DOP1A: variants seen among roughly 807,000 people sequenced by gnomAD.
The protein encoded by DOP1A is DOP1 leucine zipper like protein A.
DOP1A carries 90 observed loss-of-function variants against 267.6 expected under a neutral mutation model. The ratio of observed to expected loss-of-function variants is 0.34; its 90% CI spans 0.28 to 0.40. The LOEUF (loss-of-function observed/expected upper bound fraction) is 0.40. DOP1A is among the 10% of genes least tolerant of loss of function. DOP1A has a pLI of 1.00. For synonymous variants in DOP1A, 932 were observed against 999.1 expected (o/e 0.93, Z 1.27); for missense variants, 2,437 against 2,900.4 (o/e 0.84, Z 3.67).
chr6:83,105,199 T>C (rs1313562860), intron 4 of DOP1A, among the ~76,000 whole-genome samples: 1 of 152,096 alleles, frequency 6.6e-6, no homozygotes, highest in Non-Finnish European at 1.5e-5. Context: ...ATTCTCAGTA[T>C]CCTGAAGAAC....
chr6:83,137,243 C>A lies in DOP1A; in HGVS notation c.3201C>A (p.Asn1067Lys). ...CACTTACCATGGATGAAATAGAGAA[C>A]TTTAGTCTCACTGTGAATCCATTAA... ...EKPLTMDEIE[N>K]FSLTVNPLSD... Residue 1067 changes from asparagine to lysine, a missense_variant, in exon 21 of 39, where the codon AAC becomes AAA. Around this residue, in one of 9 missense-constraint regions of DOP1A, gnomAD observed 878 missense variants for 992.9 expected, o/e 0.88. Transcript: ENST00000349129. 6.2e-7 allele frequency: 1 copy of A among 1,611,094 alleles called. No homozygotes were observed. The highest frequency in any genetic ancestry group is 8.5e-7 in the Non-Finnish European group (1 of 1,178,274).
At chr6:83,167,106 CAG>C (rs1229389075) in intron 38 of DOP1A, 6 of 979,400 alleles carry the variant, frequency 6.1e-6, no homozygotes, top group African/African-American at 5.3e-5. Flanking sequence ...ATTTAGTTGA[CAG>C]AGTTTTCACA....
At chr6:83,159,260 G>T (rs1420404191) in intron 36 of DOP1A, among the ~76,000 whole-genome samples, 3 of 151,938 alleles carry the variant, frequency 2.0e-5, no homozygotes, top group South Asian at 2.1e-4. Flanking sequence ...TATATTTCTT[G>T]AACATAATAT....
intron 1 of DOP1A, among the ~76,000 whole-genome samples, chr6:83,078,623 A>G (rs1420234967): frequency 6.6e-6 from 1 of 152,232 alleles, no homozygotes; most frequent in Non-Finnish European, 1.5e-5. Flanking sequence ...AATTCAGAAA[A>G]TAATAGCAGT....
intron 1 of DOP1A, among the ~76,000 whole-genome samples, chr6:83,074,791 C>T (rs752752523): frequency 6.6e-6 from 1 of 152,226 alleles, no homozygotes; most frequent in Non-Finnish European, 1.5e-5. Context: ...TAAATTTTGG[C>T]CAGGCTCAGT....
chr6:83,116,161 T>G (rs1351612338), intron 7 of DOP1A, among the ~76,000 whole-genome samples: 2 of 152,234 alleles, frequency 1.3e-5, no homozygotes, highest in East Asian at 3.8e-4. Context: ...AAATTACATA[T>G]TCTTTGATAT....
At chr6:83,158,424 C>T in intron 35 of DOP1A, 143 bp from the exon 36 acceptor site, 2 of 699,180 alleles carry the variant, frequency 2.9e-6, no homozygotes, top group Non-Finnish European at 4.9e-6. Flanking sequence ...GCAGTTTTAC[C>T]TTCAGAAACT....
At position 83,163,903 on chromosome 6, in the gene DOP1A, T is replaced by G. The variant is rs539440829; in HGVS notation, c.7092+984T>G. Among the ~76,000 whole-genome samples the G allele has an allele frequency of 2.0e-3, 300 of 152,124 alleles. 1 individual carries two copies. The highest frequency in any genetic ancestry group is 7.0e-3 in the African/African-American group (291 of 41,498). On this transcript the variant is annotated intron_variant, in intron 38 of 38. Transcript: ENST00000349129. ...AAAATAAAATTTGTAAAATATTGTC[T>G]TATATACTTTTTATCTTTCAGTATG...
At position 83,168,351 on chromosome 6, in the gene DOP1A, G is replaced by T; in HGVS notation, c.*184G>T. The T allele has an allele frequency of 7.1e-7, 1 of 1,403,780 alleles. No homozygotes were observed. 87.0% of individuals were successfully genotyped at this position (1,403,780 alleles called of 1,614,324 possible). ...GTGGCCTGAATCAAGTTTAAATATT[G>T]TTGGCTCATACTGATTATGGTGCCT... On this transcript the variant is annotated 3_prime_UTR_variant, in exon 39 of 39. Transcript: ENST00000349129.
At chr6:83,100,606 C>T in intron 3 of DOP1A, 99 bp from the exon 4 acceptor site, 1 of 826,698 alleles carries the variant, frequency 1.2e-6, no homozygotes, top group Admixed American at 3.1e-5. Context: ...AACACAAAGA[C>T]CTACAATGAT....
intron 25 of DOP1A, among the ~76,000 whole-genome samples, chr6:83,146,715 G>C (rs1780701933): frequency 6.6e-6 from 1 of 152,118 alleles, no homozygotes; most frequent in South Asian, 2.1e-4. Context: ...CTGGCCTCTT[G>C]TTAATTTCCA....
chr6:83,131,223 G>A (rs1247346031), intron 17 of DOP1A, among the ~76,000 whole-genome samples: 2 of 151,934 alleles, frequency 1.3e-5, no homozygotes, highest in East Asian at 3.9e-4. Flanking sequence ...GATTTGGATT[G>A]TATACATCTT....
At position 83,110,388 on chromosome 6, in the gene DOP1A, A is replaced by T. The variant is rs1347975224; in HGVS notation, c.681+74A>T. The T allele has an allele frequency of 1.1e-5, 15 of 1,410,110 alleles. No individual in the cohort carries two copies. The East Asian group carries it at 3.3e-4, about 31-fold the overall frequency. The allele number at this position is 1,410,110 out of a possible 1,614,324, so 87.3% of individuals were successfully genotyped here. A position where few individuals can be genotyped will look rare whatever the true frequency, so the allele number is the denominator to read the frequency against. ...CAGGCACTATTCCAGACATATATTG[A>T]GGATTGTATAATGAACAAAGTTCCT... On this transcript the variant is annotated intron_variant, in intron 6 of 38. Transcript: ENST00000349129.
chr6:83,162,936 T>A lies in DOP1A; in HGVS notation c.7092+17T>A. On this transcript the variant is annotated intron_variant, in intron 38 of 38. Transcript: ENST00000349129. ...AGAGCAAAGGTATCGCATTCTTTTG[T>A]GATTGTTTTGTTTTACATCACTACA... The A allele has an allele frequency of 6.2e-7, 1 of 1,606,318 alleles. No individual in the cohort carries two copies. The highest frequency in any genetic ancestry group is 8.5e-7 in the Non-Finnish European group (1 of 1,175,798).
intron 1 of DOP1A, among the ~76,000 whole-genome samples, chr6:83,092,556 T>TC (rs66482434): frequency 0.011 from 730 of 67,832 alleles, 2 homozygotes; most frequent in Non-Finnish European, 0.012. Context: ...GTAGTGTCCC[T>TC]CCCCCCCCCC....
At chr6:83,068,140 C>T (rs1012643181) in intron 1 of DOP1A, among the ~76,000 whole-genome samples, 1 of 152,162 alleles carries the variant, frequency 6.6e-6, no homozygotes, top group African/African-American at 2.4e-5. Flanking sequence ...GGGCAGAGGT[C>T]GCACCTGTGC....
intron 1 of DOP1A, among the ~76,000 whole-genome samples, chr6:83,071,151 G>C (rs185322596): frequency 2.4e-4 from 37 of 152,270 alleles, no homozygotes; most frequent in Admixed American, 2.3e-3. Context: ...TTAACATCTT[G>C]GCACCAAACT....
At chr6:83,155,480 A>G (rs1782603215) in intron 33 of DOP1A, among the ~76,000 whole-genome samples, 2 of 152,020 alleles carry the variant, frequency 1.3e-5, no homozygotes, top group Middle Eastern at 3.4e-3. Context: ...ATACAAATAA[A>G]TTGCAAAGGT....
At chr6:83,074,660 G>A (rs1358186286) in intron 1 of DOP1A, among the ~76,000 whole-genome samples, 1 of 152,102 alleles carries the variant, frequency 6.6e-6, no homozygotes, top group African/African-American at 2.4e-5. Context: ...CCTAACTATA[G>A]GCTAATATAG....
Sources: allele counts gnomAD v4.1 joint callset (sites outside exome capture counted in the v4.1 genomes callset), GRCh38; gene constraint gnomAD v4.1.1; regional missense constraint gnomAD v4.1.1; transcripts MANE v1.5; gene names NCBI Gene and HGNC (gene_info 2026-07-23, HGNC 2026-07-21).